The following MPP7 variants were observed in gnomAD, a reference collection of about 807,000 sequenced individuals.
MPP7 encodes the protein MAGUK p55 subfamily member 7.
MPP7 carries 60 observed loss-of-function variants against 76.5 expected under a neutral mutation model. The observed-to-expected ratio is 0.78, with a 90% CI of 0.64 to 0.97. The LOEUF (loss-of-function observed/expected upper bound fraction) is 0.97. Ranked by LOEUF, MPP7 falls within the 50% of genes least tolerant of loss-of-function variation. The probability of loss-of-function intolerance (pLI) is 0.00; values close to 1 mark genes in which losing one functional copy is unlikely to be tolerated. For synonymous variants in MPP7, 237 were observed against 244.5 expected, an observed-to-expected ratio of 0.97 and a Z score of 0.29; for missense variants, 641 against 694.0, an observed-to-expected ratio of 0.92 and a Z score of 0.86.
chr10:28,136,720 A>G (rs113605513), intron 5 of MPP7, among the ~76,000 whole-genome samples: 3,284 of 152,274 alleles, frequency 0.022, 96 homozygotes, highest in African/African-American at 0.072. Context: ...AGAAAAAAGT[A>G]CACTGAATGA....
intron 3 of MPP7, among the ~76,000 whole-genome samples, chr10:28,198,283 A>G (rs1235559576): frequency 6.6e-6 from 1 of 152,066 alleles, no homozygotes; most frequent in African/African-American, 2.4e-5. Flanking sequence ...AGCCTTATTT[A>G]AAAGAAATAT....
chr10:28,054,625 T>C (rs192588357), intron 16 of MPP7, among the ~76,000 whole-genome samples: 101 of 152,330 alleles, frequency 6.6e-4, no homozygotes, highest in Non-Finnish European at 1.3e-3. Flanking sequence ...GAATTTATAA[T>C]ATAAACTCCT....
At chr10:28,184,466 T>G (rs192526095) in intron 3 of MPP7, among the ~76,000 whole-genome samples, 34 of 149,364 alleles carry the variant, frequency 2.3e-4, no homozygotes, top group Admixed American at 2.3e-3. Context: ...TCCAGCACTT[T>G]GAGAGGCCGA....
intron 5 of MPP7, among the ~76,000 whole-genome samples, chr10:28,135,197 T>C (rs1238672289): frequency 4.6e-5 from 7 of 151,774 alleles, no homozygotes; most frequent in Non-Finnish European, 8.8e-5. Context: ...TCTCCTTGAG[T>C]TGGGAAAACA....
In MPP7 at chr10:28,184,609, G is replaced by C. The variant is rs114564320; in HGVS notation, c.156+17544C>G. ...TGTAATCCCAGCTACTCGGTAGGCTGACACGTAAGAATCACTTGAACCTGG... is the reference window on the plus strand; with the variant it reads ...TGTAATCCCAGCTACTCGGTAGGCTCACACGTAAGAATCACTTGAACCTGG... On this transcript the variant is annotated intron_variant, in intron 3 of 16. Coordinates refer to ENST00000683449, the MANE Select transcript of MPP7 (RefSeq NM_001318170.2). Among the ~76,000 whole-genome samples, 419 of 149,500 alleles carry C rather than the reference G, an allele frequency of 2.8e-3. 1 individual carries two copies. Among genetic ancestry groups the C allele is most frequent in the African/African-American group, 9.7e-3 (400 of 41,094 alleles).
intron 3 of MPP7, among the ~76,000 whole-genome samples, chr10:28,199,916 TAAC>T (rs1168695571): frequency 6.6e-6 from 1 of 151,606 alleles, no homozygotes; most frequent in Admixed American, 6.6e-5. Flanking sequence ...GATCACACGA[TAAC>T]AACTATGAAA....
chr10:28,277,694 T>C (rs1370901813), intron 1 of MPP7, among the ~76,000 whole-genome samples: 1 of 152,074 alleles, frequency 6.6e-6, no homozygotes, highest in Non-Finnish European at 1.5e-5. Flanking sequence ...CATATATACT[T>C]AGCAAAGCAG....
chr10:28,240,129 C>T (rs777845113), intron 1 of MPP7, among the ~76,000 whole-genome samples: 1 of 152,044 alleles, frequency 6.6e-6, no homozygotes, highest in African/African-American at 2.4e-5. Context: ...TCAGAAGAAC[C>T]ATACACTGTG....
intron 3 of MPP7, among the ~76,000 whole-genome samples, chr10:28,182,616 T>C (rs1837094112): frequency 6.6e-6 from 1 of 152,220 alleles, no homozygotes; most frequent in Non-Finnish European, 1.5e-5. Context: ...TCCAGACATA[T>C]GACTCTTGTA....
chr10:28,057,777 C>T (rs191346497), intron 15 of MPP7: 17 of 1,287,756 alleles, frequency 1.3e-5, no homozygotes, highest in African/African-American at 6.1e-5. Context: ...AAAGGGCTTC[C>T]GCAGGTCATT....
intron 1 of MPP7, among the ~76,000 whole-genome samples, chr10:28,291,226 C>A (rs1203479823): frequency 2.0e-5 from 3 of 152,206 alleles, no homozygotes; most frequent in Non-Finnish European, 4.4e-5. Context: ...CAAAATACAG[C>A]AACTGCTATA....
intron 1 of MPP7, among the ~76,000 whole-genome samples, chr10:28,259,117 A>G (rs1398844322): frequency 6.6e-6 from 1 of 152,190 alleles, no homozygotes; most frequent in Non-Finnish European, 1.5e-5. Context: ...AATGAATTTA[A>G]ACAGAAACAG....
chr10:28,123,120 T>C (rs1588807342), intron 8 of MPP7, among the ~76,000 whole-genome samples: 1 of 152,228 alleles, frequency 6.6e-6, no homozygotes, highest in Non-Finnish European at 1.5e-5. Flanking sequence ...CTTAACCATA[T>C]ACTAAATTTT....
At chr10:28,239,299 C>T (rs1034020842) in intron 1 of MPP7, among the ~76,000 whole-genome samples, 12 of 151,790 alleles carry the variant, frequency 7.9e-5, no homozygotes, top group African/African-American at 2.9e-4. Context: ...GGGCCCGCCA[C>T]CAAGCCTGGC....
At chr10:28,327,504 G>A (rs918587650) in intron 2 of MPP7, among the ~76,000 whole-genome samples, 3 of 152,064 alleles carry the variant, frequency 2.0e-5, no homozygotes, top group Non-Finnish European at 2.9e-5. Context: ...GATAAAGACA[G>A]AAATAACAAC....
At chr10:28,141,566 T>C (rs1011282395) in intron 5 of MPP7, among the ~76,000 whole-genome samples, 4 of 152,134 alleles carry the variant, frequency 2.6e-5, no homozygotes, top group Non-Finnish European at 5.9e-5. Context: ...GTAAATAGTA[T>C]ACCATGGGGG....
At chr10:28,133,379 T>C (rs1835256301) in intron 5 of MPP7, among the ~76,000 whole-genome samples, 2 of 152,194 alleles carry the variant, frequency 1.3e-5, no homozygotes, top group South Asian at 4.1e-4. Context: ...GCCCTCCTCC[T>C]CATTCAACTT....
intron 7 of MPP7, among the ~76,000 whole-genome samples, chr10:28,124,466 ATTTTTTTTT>A (rs5784042): frequency 6.2e-5 from 5 of 80,082 alleles, no homozygotes; most frequent in East Asian, 4.6e-4. Context: ...AAGAAACAAG[ATTTTTTTTT>A]TTTTTTTTTT....
chr10:28,261,995 C>T (rs1839965713), intron 1 of MPP7, among the ~76,000 whole-genome samples: 1 of 150,216 alleles, frequency 6.7e-6, no homozygotes, highest in Non-Finnish European at 1.5e-5. Context: ...ACTAAAAATA[C>T]AAAAAATTAG....
Sources: allele counts gnomAD v4.1 joint callset (sites outside exome capture counted in the v4.1 genomes callset), GRCh38; gene constraint gnomAD v4.1.1; transcripts MANE v1.5; gene names NCBI Gene and HGNC (gene_info 2026-07-23, HGNC 2026-07-21).